EPC1: variants seen among roughly 807,000 people sequenced by gnomAD.
EPC1 encodes the protein enhancer of polycomb 1.
EPC1 carries 12 observed loss-of-function variants against 98.4 expected under a neutral mutation model. The observed-to-expected ratio is 0.12, with a 90% CI of 0.08 to 0.20. The LOEUF (loss-of-function observed/expected upper bound fraction) is 0.20. Among genes scored for constraint, EPC1 ranks in the 10% least tolerant of loss-of-function variants. The pLI is 1.00. For missense variants in EPC1, 729 were observed against 990.5 expected (o/e 0.74, Z 3.54); for synonymous variants, 357 against 363.9 (o/e 0.98, Z 0.21).
intron 1 of EPC1, among the ~76,000 whole-genome samples, chr10:32,315,704 C>T (rs1836509731): frequency 6.6e-6 from 1 of 152,204 alleles, no homozygotes; most frequent in African/African-American, 2.4e-5. Flanking sequence ...AAACAAGTAA[C>T]TCTATGGAGG....
intron 6 of EPC1, among the ~76,000 whole-genome samples, chr10:32,288,391 T>G (rs1170784770): frequency 1.1e-4 from 16 of 148,646 alleles, no homozygotes; most frequent in Non-Finnish European, 3.0e-5. Flanking sequence ...ATCAGCACAC[T>G]GCAATCTCCG....
intron 1 of EPC1, among the ~76,000 whole-genome samples, chr10:32,359,591 C>T (rs967749370): frequency 3.3e-5 from 5 of 152,190 alleles, no homozygotes; most frequent in South Asian, 2.1e-4. Flanking sequence ...TTGCCACAAA[C>T]GTCATGCTTA....
chr10:32,285,101 T>G (rs779111087), intron 9 of EPC1, 51 bp from the exon 10 acceptor site: 4 of 1,439,788 alleles, frequency 2.8e-6, no homozygotes, highest in African/African-American at 1.4e-5. Context: ...TATTCAAAGA[T>G]TATATATTAA....
intron 2 of EPC1, among the ~76,000 whole-genome samples, chr10:32,295,286 TA>T (rs1457389537): frequency 6.6e-6 from 1 of 152,150 alleles, no homozygotes; most frequent in African/African-American, 2.4e-5. Flanking sequence ...AGTCAGACAT[TA>T]AAGTCTGTGA....
At chr10:32,312,140 G>A (rs983605077) in intron 1 of EPC1, among the ~76,000 whole-genome samples, 2 of 152,166 alleles carry the variant, frequency 1.3e-5, no homozygotes, top group East Asian at 3.8e-4. Context: ...CAGTGAGTGA[G>A]GTGGTGAGTG....
At chr10:32,302,417 G>T (rs1835608392) in intron 2 of EPC1, among the ~76,000 whole-genome samples, 1 of 152,146 alleles carries the variant, frequency 6.6e-6, no homozygotes, top group South Asian at 2.1e-4. Flanking sequence ...GGAGGCCGAG[G>T]CGGGTGGATC....
intron 1 of EPC1, among the ~76,000 whole-genome samples, chr10:32,376,311 A>T (rs1421056710): frequency 6.6e-6 from 1 of 152,076 alleles, no homozygotes; most frequent in Non-Finnish European, 1.5e-5. Context: ...GTTTTCAGAG[A>T]TTAAATAAAA....
intron 1 of EPC1, among the ~76,000 whole-genome samples, chr10:32,318,991 C>T (rs1836722531): frequency 6.6e-6 from 1 of 152,180 alleles, no homozygotes; most frequent in African/African-American, 2.4e-5. Context: ...CACCTGACCA[C>T]TTTCTCCCCT....
At position 32,267,803 on chromosome 10, in the gene EPC1, A is replaced by T. The variant is rs1223902973; in HGVS notation, c.*1260T>A. The T allele has an allele frequency of 6.6e-6, 1 of 152,228 alleles. No homozygotes were observed. The highest frequency in any genetic ancestry group is 6.5e-5 in the Admixed American group (1 of 15,276). 9.4% of individuals were successfully genotyped at this position (152,228 alleles called of 1,614,324 possible). A position where few individuals can be genotyped will look rare whatever the true frequency, so the allele number is the denominator to read the frequency against. On this transcript the variant is annotated 3_prime_UTR_variant, in exon 14 of 14. Transcript: ENST00000319778. ...GTTTATTTTGTGAGAATTCTATCAC[A>T]ATTTTTCCAGGTGGGATTAAAAACC...
chr10:32,340,203 T>C (rs1838250164), intron 1 of EPC1, among the ~76,000 whole-genome samples: 1 of 152,186 alleles, frequency 6.6e-6, no homozygotes, highest in South Asian at 2.1e-4. Flanking sequence ...AAAGATAACC[T>C]CCATTACAAC....
rs1292202087 is a variant in EPC1 at position 32,284,958 on chromosome 10, T to C, written c.1484A>G (p.Asn495Ser). 5 of 1,614,100 alleles carry C rather than the reference T, an allele frequency of 3.1e-6. No individual in the cohort carries two copies. Among genetic ancestry groups the C allele is most frequent in the East Asian group, 2.2e-5 (1 of 44,900 alleles). Residue 495 changes from asparagine to serine, a missense_variant, in exon 10 of 14, where the codon AAT becomes AGT. Asn to Ser is a conservative substitution (Grantham distance 46). Around this residue, in one of 6 missense-constraint regions of EPC1, gnomAD observed 390 missense variants for 438.6 expected, o/e 0.89. Coordinates refer to ENST00000319778, the MANE Select transcript of EPC1 (RefSeq NM_001272004.3). ...TGTTTCTGAGGTATTGGCAAACTGA[T>C]TGACTGGAGAATGTTGTGGTGAGGA... Reference protein sequence around the residue: ...MLSSPQHSPVNQFANTSETNT... With the variant: ...MLSSPQHSPVSQFANTSETNT...
At chr10:32,366,977 C>T (rs749744271) in intron 1 of EPC1, among the ~76,000 whole-genome samples, 7 of 151,900 alleles carry the variant, frequency 4.6e-5, no homozygotes, top group East Asian at 1.9e-4. Flanking sequence ...AAACTATGTA[C>T]GTATGTATGT....
chr10:32,377,773 A>G (rs750033758), intron 1 of EPC1, among the ~76,000 whole-genome samples: 4 of 152,178 alleles, frequency 2.6e-5, no homozygotes, highest in African/African-American at 7.2e-5. Context: ...ACACAGATCA[A>G]TGCAAAACAA....
chr10:32,334,208 C>T (rs1424255627), intron 1 of EPC1, among the ~76,000 whole-genome samples: 1 of 152,178 alleles, frequency 6.6e-6, no homozygotes, highest in Non-Finnish European at 1.5e-5. Context: ...GGCACCCGCC[C>T]CCCGCTTTGA....
At chr10:32,282,542 T>A (rs927305172) in intron 10 of EPC1, 1 of 152,062 alleles carries the variant, frequency 6.6e-6, no homozygotes, top group Non-Finnish European at 1.5e-5. Context: ...AATAGTTGTA[T>A]CGCATATATG....
chr10:32,369,665 T>C (rs1404006479), intron 1 of EPC1, among the ~76,000 whole-genome samples: 1 of 152,234 alleles, frequency 6.6e-6, no homozygotes, highest in Non-Finnish European at 1.5e-5. Context: ...TTTTTTGTAG[T>C]GTAAGTAATT....
chr10:32,269,202 TC>T, intron 13 of EPC1, 67 bp from the exon 14 acceptor site: 2 of 1,391,124 alleles, frequency 1.4e-6, no homozygotes, highest in Non-Finnish European at 2.0e-6. Context: ...AACATTATCT[TC>T]CCAACAAAAA....
upstream of EPC1, among the ~76,000 whole-genome samples, chr10:32,349,782 T>C (rs1024069922): frequency 6.6e-6 from 1 of 152,106 alleles, no homozygotes; most frequent in Non-Finnish European, 1.5e-5. Context: ...AAATTTTTTC[T>C]AAAGACAGGG....
intron 1 of EPC1, among the ~76,000 whole-genome samples, chr10:32,326,991 G>T (rs1160312009): frequency 2.2e-5 from 2 of 92,198 alleles, no homozygotes; most frequent in Non-Finnish European, 4.2e-5. Context: ...GCATGGAGAG[G>T]GTCCTCAAAA....
Sources: gnomAD v4.1 joint callset for allele counts (sites outside exome capture counted in the v4.1 genomes callset) on GRCh38, gnomAD v4.1.1 for gene constraint, gnomAD v4.1.1 regional missense constraint, MANE v1.5 for transcripts, NCBI Gene and HGNC (gene_info 2026-07-23, HGNC 2026-07-21) for gene names.